Variants in RUSC2 observed in about 807,000 individuals in gnomAD.
RUSC2 encodes RUN and SH3 domain containing 2, also known as AP-4 complex accessory subunit RUSC2.
In RUSC2, 34 loss-of-function variants were observed where a neutral mutation model predicts 122.2. The observed-to-expected ratio is 0.28, with a 90% CI of 0.21 to 0.37. The LOEUF (loss-of-function observed/expected upper bound fraction) is 0.37, where lower values mean the gene tolerates loss of function less well. Ranked by LOEUF, RUSC2 falls within the 10% of genes least tolerant of loss-of-function variation. The pLI, the probability that RUSC2 is intolerant of heterozygous loss-of-function variation, is 1.00. For missense variants in RUSC2, 1,747 were observed against 1,952.4 expected, an observed-to-expected ratio of 0.89 and a Z score of 1.98; for synonymous variants, 784 against 790.0, an observed-to-expected ratio of 0.99 and a Z score of 0.13.
intron 1 of RUSC2, among the ~76,000 whole-genome samples, chr9:35,536,808 CAAAAAAAAA>C (rs67604535): frequency 5.7e-5 from 4 of 69,620 alleles, no homozygotes; most frequent in Admixed American, 2.0e-4. Flanking sequence ...GAGTGAAACT[CAAAAAAAAA>C]AAAAAAAAAA....
chr9:35,542,012 G>A (rs1234017269), intron 1 of RUSC2, among the ~76,000 whole-genome samples: 1 of 151,868 alleles, frequency 6.6e-6, no homozygotes, highest in South Asian at 2.1e-4. Context: ...GGAAGTTGAT[G>A]TAAGGATCAG....
rs534812809 is a variant in RUSC2, at chr9:35,547,239, C to G, written c.718C>G (p.Pro240Ala). 6.2e-7 allele frequency: 1 copy of G among 1,614,184 alleles called. No individual in the cohort carries two copies. Among genetic ancestry groups the G allele is most frequent in the Admixed American group, 1.7e-5 (1 of 60,010 alleles). ...KLSSDESPRN[P>A]GCSGSGDQHC... is the part of the protein sequence containing the mutation. ...CAGTTCAGATGAATCCCCAAGGAAC[C>G]CTGGATGCTCCGGCTCAGGGGACCA... Residue 240 changes from proline to alanine, a missense_variant, in exon 2 of 12, where the codon CCT (proline) becomes GCT (alanine). Transcript: ENST00000361226. The surrounding 1 kb of genome is among the most constrained non-coding windows in gnomAD (Gnocchi z 4.6).
intron 1 of RUSC2, among the ~76,000 whole-genome samples, chr9:35,513,060 A>G (rs1287084452): frequency 6.6e-6 from 1 of 152,208 alleles, no homozygotes; most frequent in African/African-American, 2.4e-5. Flanking sequence ...ATAAATATTA[A>G]TTGCTACTAC....
intron 1 of RUSC2, among the ~76,000 whole-genome samples, chr9:35,502,137 G>A (rs970477267): frequency 3.3e-5 from 5 of 152,054 alleles, no homozygotes; most frequent in African/African-American, 1.2e-4. Flanking sequence ...TCTGGCATGG[G>A]GCCCAAGTAT....
At position 35,555,859 on chromosome 9, in the gene RUSC2, A is replaced by G. The variant is rs1171589774; in HGVS notation, c.2657-93A>G. ...TGTAGATAATATCCACAGATAATCT[A>G]GTGTTTCATATGGGCCCACTGGGTG... On this transcript the variant is annotated intron_variant, in intron 3 of 11. Transcript: ENST00000361226. The surrounding 1 kb of genome is among the most constrained non-coding windows in gnomAD (Gnocchi z 4.6). The G allele has an allele frequency of 8.7e-6, 13 of 1,489,420 alleles. No individual in the cohort carries two copies. The highest frequency in any genetic ancestry group is 1.2e-5 in the Non-Finnish European group (13 of 1,096,632). The allele number at this position is 1,489,420 out of a possible 1,614,324, so 92.3% of individuals were successfully genotyped here.
At position 35,561,602 on chromosome 9, in the gene RUSC2, G is replaced by T; in HGVS notation, c.*220G>T. 1 of 586,034 alleles carries T rather than the reference G, an allele frequency of 1.7e-6. No individual in the cohort carries two copies. Among genetic ancestry groups the T allele is most frequent in the Non-Finnish European group, 3.0e-6 (1 of 332,496 alleles). The allele number at this position is 586,034 out of a possible 1,614,324, so 36.3% of individuals were successfully genotyped here. On this transcript the variant is annotated 3_prime_UTR_variant, in exon 12 of 12. Transcript: ENST00000361226. ...CCACCCAGGAGAGGGATGGGACACAGCACTGGGCTGCCAGGATTCCCCTGG... is the reference window on the plus strand; with the variant it reads ...CCACCCAGGAGAGGGATGGGACACATCACTGGGCTGCCAGGATTCCCCTGG...
intron 1 of RUSC2, among the ~76,000 whole-genome samples, chr9:35,527,243 T>C (rs937654274): frequency 3.3e-5 from 5 of 152,062 alleles, no homozygotes. Context: ...GCTCAAGCAG[T>C]CCTCTAACTT....
Position 35,517,511 on chromosome 9 carries a change from AGG to A in RUSC2, c.-93+27342_-93+27343del, listed in dbSNP as rs34638086. ...AGATCAGTGTCCTGGGCCCACAAACAGGGGAGAATTAGCTTTGTGGCTGCTAG... is the reference window on the plus strand; with the variant it reads ...AGATCAGTGTCCTGGGCCCACAAACAGGAGAATTAGCTTTGTGGCTGCTAG... On this transcript the variant is annotated intron_variant, in intron 1 of 11. Coordinates refer to ENST00000361226, the MANE Select transcript of RUSC2 (RefSeq NM_014806.5). Among the ~76,000 whole-genome samples the A allele has an allele frequency of 3.1e-3, 259 of 84,272 alleles. 1 individual carries two copies. Among genetic ancestry groups the A allele is most frequent in the African/African-American group, 0.01 (234 of 22,328 alleles). 55.3% of individuals were successfully genotyped at this position (84,272 alleles called of 152,430 possible).
At chr9:35,512,113 G>A (rs1167030470) in intron 1 of RUSC2, among the ~76,000 whole-genome samples, 3 of 152,004 alleles carry the variant, frequency 2.0e-5, no homozygotes, top group Admixed American at 6.6e-5. Context: ...CCCGGGAGGC[G>A]GAGGTTGCAG....
chr9:35,544,887 T>C (rs990041172), intron 1 of RUSC2, among the ~76,000 whole-genome samples: 1 of 152,190 alleles, frequency 6.6e-6, no homozygotes, highest in Non-Finnish European at 1.5e-5. Context: ...ACCCTTAATC[T>C]TGTAGCTCAG....
rs1276356125 is a variant in RUSC2 at position 35,548,519 on chromosome 9, A to T, written c.1998A>T (p.Ala666=). 6.2e-7 allele frequency: 1 copy of T among 1,612,464 alleles called. No homozygotes were observed. The highest frequency in any genetic ancestry group is 8.5e-7 in the Non-Finnish European group (1 of 1,179,632). Residue 666 remains alanine, a synonymous_variant, in exon 2 of 12, where the codon GCA becomes GCT. Transcript: ENST00000361226. The surrounding 1 kb of genome is among the most constrained non-coding windows in gnomAD (Gnocchi z 4.5). ...CCAACAGCCATACCCAGAGGGATGC[A>T]AGAGCTAGAGCTGACGGTAAGGAGC... The part of the protein sequence containing the change: ...SPANSHTQRD[A]RARADGGGTE...
intron 1 of RUSC2, among the ~76,000 whole-genome samples, chr9:35,535,016 A>G (rs1256386714): frequency 6.6e-6 from 1 of 151,780 alleles, no homozygotes; most frequent in Non-Finnish European, 1.5e-5. Flanking sequence ...CAGGAAGTCA[A>G]AGTTTTTCTG....
At chr9:35,538,437 C>T (rs1403000717) in intron 1 of RUSC2, among the ~76,000 whole-genome samples, 1 of 152,196 alleles carries the variant, frequency 6.6e-6, no homozygotes, top group Non-Finnish European at 1.5e-5. Flanking sequence ...AGCCTCCCTT[C>T]TGGGCTTCAG....
chr9:35,561,475 T>A lies in RUSC2; in HGVS notation c.*93T>A. On this transcript the variant is annotated 3_prime_UTR_variant, in exon 12 of 12. Coordinates refer to ENST00000361226, the MANE Select transcript of RUSC2 (RefSeq NM_014806.5). The stretch of plus-strand genomic sequence containing the variant: ...CCAAGCCATTGGCTTGGCTGCAGAG[T>A]AGACTGAGAGCTGGGGCCACGTATC... 9.3e-7 allele frequency: 1 copy of A among 1,080,342 alleles called. No individual in the cohort carries two copies. The highest frequency in any genetic ancestry group is 1.3e-6 in the Non-Finnish European group (1 of 741,144). 66.9% of individuals were successfully genotyped at this position (1,080,342 alleles called of 1,614,324 possible).
chr9:35,555,553 G>T lies in RUSC2; in HGVS notation c.2508G>T (p.Glu836Asp), dbSNP rs776259002. Residue 836 changes from glutamate to aspartate, a missense_variant, in exon 3 of 12, where the codon GAG becomes GAT. Transcript: ENST00000361226. The surrounding 1 kb of genome is among the most constrained non-coding windows in gnomAD (Gnocchi z 4.6). ...RPATSQQPQK[E>D]DQKILTLTEY... ...CCACCTCCCAGCAGCCGCAGAAGGA[G>T]GATCAGAAGATACTGACCTTGACTG... 6.2e-7 allele frequency: 1 copy of T among 1,614,136 alleles called. No individual in the cohort carries two copies. The highest frequency in any genetic ancestry group is 1.3e-5 in the African/African-American group (1 of 75,066).
At chr9:35,559,091 C>A in intron 8 of RUSC2, 135 bp from the exon 9 acceptor site, 1 of 753,900 alleles carries the variant, frequency 1.3e-6, no homozygotes, top group South Asian at 1.5e-5. Context: ...CACTGACTTT[C>A]TGGAATTAGG....
chr9:35,504,693 G>T (rs1820880127), intron 1 of RUSC2, among the ~76,000 whole-genome samples: 1 of 152,106 alleles, frequency 6.6e-6, no homozygotes, highest in Admixed American at 6.5e-5. Flanking sequence ...TTAAATCCCT[G>T]ACCTCAAGTG....
Position 35,546,531 on chromosome 9 carries a change from C to T in RUSC2, c.10C>T (p.Pro4Ser). The T allele has an allele frequency of 6.9e-7, 1 of 1,456,456 alleles. No homozygotes were observed. The highest frequency in any genetic ancestry group is 9.1e-7 in the Non-Finnish European group (1 of 1,102,226). 90.2% of individuals were successfully genotyped at this position (1,456,456 alleles called of 1,614,324 possible). A position where few individuals can be genotyped will look rare whatever the true frequency, so the allele number is the denominator to read the frequency against. The change falls in exon 2 of 12, where the codon CCC becomes TCC. Residue 4 changes from proline (P) to serine (S), a missense_variant. Pro to Ser is a moderately conservative substitution (Grantham distance 74, BLOSUM62 -1). Transcript: ENST00000361226. The surrounding 1 kb of genome is among the most constrained non-coding windows in gnomAD (Gnocchi z 4.3). MDS[P>S]PKLTGETLIV... Reference sequence around the variant, plus strand: ...ATTCGAACTTTCCAGAATGGATAGTCCCCCAAAGCTGACTGGAGAGACCCT... The same window carrying T: ...ATTCGAACTTTCCAGAATGGATAGTTCCCCAAAGCTGACTGGAGAGACCCT...
chr9:35,497,747 T>A (rs1024188439), intron 1 of RUSC2, among the ~76,000 whole-genome samples: 23 of 152,344 alleles, frequency 1.5e-4, no homozygotes, highest in African/African-American at 5.0e-4. Flanking sequence ...TTAGTAGATG[T>A]AGAGGCTATT....
Sources: allele counts gnomAD v4.1 joint callset (sites outside exome capture counted in the v4.1 genomes callset), GRCh38; gene constraint gnomAD v4.1.1; non-coding constraint Gnocchi (gnomAD v3.1); transcripts MANE v1.5; gene names NCBI Gene and HGNC (gene_info 2026-07-23, HGNC 2026-07-21).